Variants in SSPN observed in about 807,000 individuals in gnomAD.
The protein encoded by SSPN is sarcospan.
A neutral mutation model predicts 19.1 loss-of-function variants in SSPN; 15 were observed. The observed-to-expected ratio is 0.78, with a 90% CI of 0.52 to 1.21. The LOEUF (loss-of-function observed/expected upper bound fraction) is 1.21, where lower values mean the gene tolerates loss of function less well. Ranked by LOEUF, SSPN falls within the 50% of genes most tolerant of loss-of-function variation. The pLI, the probability that SSPN is intolerant of heterozygous loss-of-function variation, is 0.00. For missense variants in SSPN, 291 were observed against 314.0 expected (o/e 0.93, Z 0.55); for synonymous variants, 147 against 140.3 (o/e 1.05, Z -0.34).
At chr12:26,126,201 C>G (rs1399783655) in intron 1 of SSPN, 1 of 152,266 alleles carries the variant, frequency 6.6e-6, no homozygotes, top group African/African-American at 2.4e-5. Flanking sequence ...ACCCTGGGAG[C>G]ATGACTCACT....
chr12:26,213,617 T>C (rs934787410), intron 1 of SSPN, among the ~76,000 whole-genome samples: 4 of 152,256 alleles, frequency 2.6e-5, no homozygotes, highest in South Asian at 2.1e-4. Flanking sequence ...TAGATACTTA[T>C]AGTGGATGCA....
chr12:26,207,022 G>A (rs1023243444), intron 1 of SSPN, among the ~76,000 whole-genome samples: 5 of 152,140 alleles, frequency 3.3e-5, no homozygotes, highest in Non-Finnish European at 7.4e-5. Context: ...AAAATGCCAA[G>A]GTGGTGCCTT....
In SSPN at chr12:26,231,018, A is replaced by G. The variant is rs1225698869; in HGVS notation, c.674A>G (p.Tyr225Cys). Residue 225 changes from tyrosine to cysteine, a missense_variant, in exon 3 of 3, where the codon TAT becomes TGT. By Grantham distance (194) the Tyr-to-Cys change is radical (BLOSUM62 -2). Around this residue, in one of 3 missense-constraint regions of SSPN, gnomAD observed 141 missense variants for 166.7 expected, o/e 0.85. Transcript: ENST00000242729. ...VMWKHRYQVF[Y>C]VGVRICSLTA... Reference sequence around the variant, plus strand: ...TGGAAACATAGGTACCAGGTCTTCTATGTGGGTGTCAGGATATGCTCCCTC... The same window carrying G: ...TGGAAACATAGGTACCAGGTCTTCTGTGTGGGTGTCAGGATATGCTCCCTC... 2 of 1,614,190 alleles carry G rather than the reference A, an allele frequency of 1.2e-6. No homozygotes were observed. The highest frequency in any genetic ancestry group is 1.7e-6 in the Non-Finnish European group (2 of 1,180,046).
In SSPN at chr12:26,127,493, T is replaced by C. The variant is rs536533187; in HGVS notation, c.-31+5341T>C. ...CAAGCTTCCCCACTTCCGTACCCTTTTCCCGTGATACCTACTCAAACTGCA... is the reference window on the plus strand; with the variant it reads ...CAAGCTTCCCCACTTCCGTACCCTTCTCCCGTGATACCTACTCAAACTGCA... On this transcript the variant is annotated intron_variant, in intron 1 of 2. Coordinates refer to the SSPN transcript ENST00000538142. 1.8e-4 allele frequency among the ~76,000 whole-genome samples: 27 copies of C among 152,326 alleles called. No homozygotes were observed. The South Asian group carries it at 3.5e-3, about 20-fold the overall frequency.
chr12:26,198,381 G>A (rs973402324), intron 1 of SSPN, among the ~76,000 whole-genome samples: 2 of 152,164 alleles, frequency 1.3e-5, no homozygotes, highest in East Asian at 3.8e-4. Context: ...CTTTGGACAA[G>A]TTACTTAACT....
chr12:26,226,725 G>A (rs1450822177), intron 2 of SSPN, among the ~76,000 whole-genome samples: 2 of 152,138 alleles, frequency 1.3e-5, no homozygotes, highest in Admixed American at 1.3e-4. Context: ...CGTGTCGGGG[G>A]CATGTGCCTG....
chr12:26,156,736 G>A (rs929844803), intron 1 of SSPN, among the ~76,000 whole-genome samples: 1 of 152,206 alleles, frequency 6.6e-6, no homozygotes, highest in Non-Finnish European at 1.5e-5. Flanking sequence ...AGCAGCTCAG[G>A]AAGACACACT....
chr12:26,218,399 T>G, intron 1 of SSPN, among the ~76,000 whole-genome samples: 1 of 100,292 alleles, frequency 1.0e-5, no homozygotes, highest in African/African-American at 4.0e-5. Context: ...GATGACGAGT[T>G]AGTGGGTGCA....
At chr12:26,124,426 G>T in intron 1 of SSPN, 1 of 1,383,342 alleles carries the variant, frequency 7.2e-7, no homozygotes, top group Non-Finnish European at 1.0e-6. Context: ...TCAGGGGCTG[G>T]AATATATTTG....
At chr12:26,141,840 A>T (rs10842680) in intron 1 of SSPN, among the ~76,000 whole-genome samples, 82,234 of 152,060 alleles carry the variant, frequency 0.54, 25,153 homozygotes, top group Non-Finnish European at 0.67. Flanking sequence ...TGCTCAGGAT[A>T]TGCACAGTCT....
rs766583720 is a variant in SSPN, at chr12:26,233,355, T to TATATATATATATATAC, written c.*2280_*2281insTATATATATATATACA. On this transcript the variant is annotated 3_prime_UTR_variant, in exon 3 of 3. Coordinates refer to ENST00000242729, the MANE Select transcript of SSPN (RefSeq NM_005086.5). The surrounding 1 kb of genome is among the most constrained non-coding windows in gnomAD (Gnocchi z 4.3). ...AGATATATATATATATATATACACA[T>TATATATATATATATAC]ACACACACACACACACATATATACT... The TATATATATATATATAC allele has an allele frequency of 6.8e-5, 10 of 146,606 alleles. No homozygotes were observed. The highest frequency in any genetic ancestry group is 2.4e-4 in the African/African-American group (9 of 37,976). 9.1% of individuals were successfully genotyped at this position (146,606 alleles called of 1,614,324 possible). A position where few individuals can be genotyped will look rare whatever the true frequency, so the allele number is the denominator to read the frequency against.
intron 1 of SSPN, among the ~76,000 whole-genome samples, chr12:26,220,921 ATTT>A (rs763848626): frequency 0.26 from 39,121 of 152,068 alleles, 5,404 homozygotes; most frequent in East Asian, 0.51. Context: ...GACACTTATC[ATTT>A]CTCAGGTGAA....
chr12:26,230,868 C>T lies in SSPN; in HGVS notation c.524C>T (p.Thr175Ile), dbSNP rs771622463. ...CCCTCCTCGGAGCCGCTCAGCAGGA[C>T]CTTTGTTTACCGGGATGTGACGGAC... ...KLPSSEPLSR[T>I]FVYRDVTDCT... The change falls in exon 3 of 3, where the codon ACC becomes ATC. Residue 175 changes from threonine (T) to isoleucine (I), a missense_variant. By Grantham distance (89) the Thr-to-Ile change is moderately conservative. Around this residue, in one of 3 missense-constraint regions of SSPN, gnomAD observed 141 missense variants for 166.7 expected, o/e 0.85. Coordinates refer to ENST00000242729, the MANE Select transcript of SSPN (RefSeq NM_005086.5). The T allele has an allele frequency of 1.2e-6, 2 of 1,614,184 alleles. No homozygotes were observed. Among genetic ancestry groups the T allele is most frequent in the South Asian group, 2.2e-5 (2 of 91,076 alleles).
At chr12:26,129,242 G>T (rs117369598) in intron 1 of SSPN, among the ~76,000 whole-genome samples, 2,537 of 152,290 alleles carry the variant, frequency 0.017, 38 homozygotes, top group Middle Eastern at 0.034. Flanking sequence ...GATCACCTCT[G>T]TTTTACAGAG....
intron 1 of SSPN, among the ~76,000 whole-genome samples, chr12:26,185,984 A>G (rs991881670): frequency 2.0e-5 from 3 of 152,212 alleles, no homozygotes; most frequent in African/African-American, 7.2e-5. Context: ...CAGGCACTCC[A>G]TAAATGTTTC....
intron 1 of SSPN, among the ~76,000 whole-genome samples, chr12:26,209,411 G>A (rs952076383): frequency 9.2e-5 from 14 of 152,058 alleles, no homozygotes; most frequent in Non-Finnish European, 1.8e-4. Flanking sequence ...GCCTGGAATT[G>A]CTGTCAGATG....
chr12:26,174,170 T>G (rs1944669288), intron 1 of SSPN, among the ~76,000 whole-genome samples: 1 of 152,162 alleles, frequency 6.6e-6, no homozygotes, highest in Non-Finnish European at 1.5e-5. Context: ...GCGGTAGCCA[T>G]GAGAAATGTT....
intron 1 of SSPN, chr12:26,122,612 T>TGCC (rs1254324844): frequency 3.5e-5 from 40 of 1,130,172 alleles, no homozygotes; most frequent in South Asian, 3.0e-4. Context: ...GAAGCGCGGC[T>TGCC]GCCGCCGCCG....
At chr12:26,166,400 C>G (rs73084765) in intron 1 of SSPN, among the ~76,000 whole-genome samples, 19,539 of 152,198 alleles carry the variant, frequency 0.13, 1,296 homozygotes, top group Middle Eastern at 0.19. Flanking sequence ...GGAAATGTAG[C>G]AACCAAGAGA....
Sources: allele counts gnomAD v4.1 joint callset (sites outside exome capture counted in the v4.1 genomes callset), GRCh38; gene constraint gnomAD v4.1.1; regional missense constraint gnomAD v4.1.1; non-coding constraint Gnocchi (gnomAD v3.1); transcripts MANE v1.5; gene names NCBI Gene and HGNC (gene_info 2026-07-23, HGNC 2026-07-21).